TWIST2: variants seen among roughly 807,000 people sequenced by gnomAD.
TWIST2 encodes the protein twist family bHLH transcription factor 2.
A neutral mutation model predicts 11.6 loss-of-function variants in TWIST2; 1 was observed. The observed-to-expected ratio is 0.09, with a 90% CI of 0.03 to 0.41. The LOEUF (loss-of-function observed/expected upper bound fraction) is 0.41, where lower values mean the gene tolerates loss of function less well. Among genes scored for constraint, TWIST2 ranks in the 10% least tolerant of loss-of-function variants. The pLI is 0.98. For missense variants in TWIST2, 168 were observed against 226.4 expected (o/e 0.74, Z 1.66); for synonymous variants, 87 against 96.6 (o/e 0.90, Z 0.58).
intron 1 of TWIST2, among the ~76,000 whole-genome samples, chr2:238,851,168 G>T (rs1175593009): frequency 1.3e-5 from 2 of 152,210 alleles, no homozygotes; most frequent in African/African-American, 2.4e-5. Flanking sequence ...TCACGTATGT[G>T]AAGAAAACTG....
At chr2:238,869,326 C>T (rs184597315) in intron 1 of TWIST2, among the ~76,000 whole-genome samples, 1 of 152,132 alleles carries the variant, frequency 6.6e-6, no homozygotes, top group Non-Finnish European at 1.5e-5. Context: ...ACTTCCAGGG[C>T]ACAGGCAAGG....
At chr2:238,905,908 TGTGTGCGTGCAGGTGTGCGTGTGC>T (rs1574769774) in intron 1 of TWIST2, among the ~76,000 whole-genome samples, 12 of 43,962 alleles carry the variant, frequency 2.7e-4, no homozygotes, top group East Asian at 1.4e-3. Context: ...TGTGTGCGTG[TGTGTGCGTGCAGGTGTGCGTGTGC>T]GCGTGTGTGT....
intron 1 of TWIST2, among the ~76,000 whole-genome samples, chr2:238,881,882 T>C (rs184202674): frequency 1.7e-3 from 255 of 152,278 alleles, no homozygotes; most frequent in African/African-American, 5.0e-3. Context: ...ACCTGCTGTG[T>C]GCCTGGGTTT....
intron 1 of TWIST2, among the ~76,000 whole-genome samples, chr2:238,856,346 G>A (rs891542192): frequency 6.6e-6 from 1 of 152,174 alleles, no homozygotes; most frequent in African/African-American, 2.4e-5. Flanking sequence ...ACAGGCAAAA[G>A]ATGAGCACGG....
chr2:238,856,639 G>A (rs936993240), intron 1 of TWIST2, among the ~76,000 whole-genome samples: 3 of 152,126 alleles, frequency 2.0e-5, no homozygotes, highest in Non-Finnish European at 4.4e-5. Context: ...AGGGACTCAG[G>A]TCTCTTAAGA....
In TWIST2 at chr2:238,863,964, C is replaced by T. The variant is rs988257133; in HGVS notation, c.*35+15231C>T. Among the ~76,000 whole-genome samples the T allele has an allele frequency of 1.3e-5, 2 of 152,144 alleles. No individual in the cohort carries two copies. Among genetic ancestry groups the T allele is most frequent in the East Asian group, 1.9e-4 (1 of 5,196 alleles). ...GAACCTACAGGGAGGAAGCACCAGGCGGCACCTCCCCAGAGGCTGGAGACC... is the reference window on the plus strand; with the variant it reads ...GAACCTACAGGGAGGAAGCACCAGGTGGCACCTCCCCAGAGGCTGGAGACC... On this transcript the variant is annotated intron_variant, in intron 1 of 1. Transcript: ENST00000612363. The surrounding 1 kb of genome is among the most constrained non-coding windows in gnomAD (Gnocchi z 4.7).
chr2:238,883,895 C>T (rs1382277222), intron 1 of TWIST2, among the ~76,000 whole-genome samples: 1 of 152,172 alleles, frequency 6.6e-6, no homozygotes, highest in Non-Finnish European at 1.5e-5. Flanking sequence ...TAATTCATGG[C>T]CGATCAGAGT....
chr2:238,887,483 C>T (rs1322271813), intron 1 of TWIST2, among the ~76,000 whole-genome samples: 1 of 152,226 alleles, frequency 6.6e-6, no homozygotes, highest in Non-Finnish European at 1.5e-5. Context: ...ATGCCATCTA[C>T]AAATTACTTT....
rs1693304298 is a variant in TWIST2 at position 238,903,469 on chromosome 2, G to C, written c.*36-6373G>C. Among the ~76,000 whole-genome samples the C allele has an allele frequency of 2.1e-5, 3 of 144,798 alleles. No individual in the cohort carries two copies. The South Asian group carries it at 6.8e-4, about 33-fold the overall frequency. 95.0% of individuals were successfully genotyped at this position (144,798 alleles called of 152,430 possible). A position where few individuals can be genotyped will look rare whatever the true frequency, so the allele number is the denominator to read the frequency against. ...TGTGGGTCTAATGTGAGGTGTGTGT[G>C]ATGTGTGTGCATGATGTGAGGTGTG... On this transcript the variant is annotated intron_variant, in intron 1 of 1. Coordinates refer to ENST00000612363, the MANE Select transcript of TWIST2 (RefSeq NM_001271893.4).
In TWIST2 at chr2:238,871,737, G is replaced by C. The variant is rs1242156632; in HGVS notation, c.*35+23004G>C. On this transcript the variant is annotated intron_variant, in intron 1 of 1. Transcript: ENST00000612363. ...TGCCTTTAAAAAGGAAGGTTGTCTC[G>C]ATAGGGACCATAGCATGGATGAACC... is the stretch of plus-strand genomic sequence containing the variant. Among the ~76,000 whole-genome samples the C allele has an allele frequency of 2.7e-5, 4 of 148,980 alleles. No individual in the cohort carries two copies. In the South Asian group the frequency reaches 8.4e-4, roughly 31 times the overall value.
At position 238,862,137 on chromosome 2, in the gene TWIST2, G is replaced by C. The variant is rs544897217; in HGVS notation, c.*35+13404G>C. On this transcript the variant is annotated intron_variant, in intron 1 of 1. Coordinates refer to ENST00000612363, the MANE Select transcript of TWIST2 (RefSeq NM_001271893.4). ...TACAGGTGGCAGTGGTGAACATCCA[G>C]TGAGCTGAAGTGGTGTTTACTAATG... 2.6e-4 allele frequency among the ~76,000 whole-genome samples: 40 copies of C among 152,362 alleles called. 2 individuals carry two copies. The South Asian group carries it at 6.0e-3, about 23-fold the overall frequency.
At chr2:238,908,528 G>A (rs1488727112) in intron 1 of TWIST2, among the ~76,000 whole-genome samples, 1 of 152,258 alleles carries the variant, frequency 6.6e-6, no homozygotes, top group South Asian at 2.1e-4. Context: ...CCACACGAGT[G>A]ACATGTGAAT....
intron 1 of TWIST2, among the ~76,000 whole-genome samples, chr2:238,879,089 G>A (rs1049651681): frequency 6.6e-6 from 1 of 152,244 alleles, no homozygotes; most frequent in Non-Finnish European, 1.5e-5. Context: ...AAGGCAAGCT[G>A]ACTGAGGTTG....
At chr2:238,890,912 C>A (rs1270395454) in intron 1 of TWIST2, among the ~76,000 whole-genome samples, 1 of 152,140 alleles carries the variant, frequency 6.6e-6, no homozygotes. Flanking sequence ...AGACACTCGA[C>A]TCCTTAAAGT....
In TWIST2 at chr2:238,869,143, C is replaced by T. The variant is rs191361265; in HGVS notation, c.*35+20410C>T. On this transcript the variant is annotated intron_variant, in intron 1 of 1. Transcript: ENST00000612363. Reference sequence around the variant, plus strand: ...ACTCCTGCAAAGCCTGCTTCCGAAGCGAGCAACGTGGACTTGTTTGCACAG... The same window carrying T: ...ACTCCTGCAAAGCCTGCTTCCGAAGTGAGCAACGTGGACTTGTTTGCACAG... Among the ~76,000 whole-genome samples, 4 of 152,296 alleles carry T rather than the reference C, an allele frequency of 2.6e-5. No homozygotes were observed. In the South Asian group the frequency reaches 6.2e-4, roughly 24 times the overall value.
chr2:238,886,095 C>CACA (rs1693030974), intron 1 of TWIST2, among the ~76,000 whole-genome samples: 1 of 123,264 alleles, frequency 8.1e-6, no homozygotes, highest in African/African-American at 3.1e-5. Flanking sequence ...GACTCCATCT[C>CACA]AAAAAAAAAA....
At chr2:238,852,132 A>T (rs555380907) in intron 1 of TWIST2, among the ~76,000 whole-genome samples, 1 of 152,304 alleles carries the variant, frequency 6.6e-6, no homozygotes, top group Non-Finnish European at 1.5e-5. Flanking sequence ...TGGCAAAAAA[A>T]TTTAAAAAAA....
At chr2:238,865,181 G>C (rs1027232683) in intron 1 of TWIST2, among the ~76,000 whole-genome samples, 3 of 152,154 alleles carry the variant, frequency 2.0e-5, no homozygotes, top group African/African-American at 7.2e-5. Flanking sequence ...AGGGACCTAC[G>C]TAACTCCTCA....
chr2:238,873,877 T>C (rs960210795), intron 1 of TWIST2, among the ~76,000 whole-genome samples: 2 of 152,172 alleles, frequency 1.3e-5, no homozygotes, highest in African/African-American at 2.4e-5. Flanking sequence ...TCCTTTACCG[T>C]CCCTGCCTCC....
Sources: allele counts gnomAD v4.1 joint callset (sites outside exome capture counted in the v4.1 genomes callset), GRCh38; gene constraint gnomAD v4.1.1; non-coding constraint Gnocchi (gnomAD v3.1); transcripts MANE v1.5; gene names NCBI Gene and HGNC (gene_info 2026-07-23, HGNC 2026-07-21).